SCYL3: variants seen among roughly 807,000 people sequenced by gnomAD.
SCYL3 encodes the protein protein-associating with the carboxyl-terminal domain of ezrin.
Under a neutral mutation model 73.8 loss-of-function variants are expected in SCYL3, and 35 were observed. That is an observed-to-expected ratio of 0.47 (90% CI 0.36 to 0.63). SCYL3 has a LOEUF of 0.63. Ranked by LOEUF, SCYL3 falls within the 20% of genes least tolerant of loss-of-function variation. The probability of loss-of-function intolerance (pLI) is 0.00; values close to 1 mark genes in which losing one functional copy is unlikely to be tolerated. For missense variants in SCYL3, 712 were observed against 798.9 expected (o/e 0.89, Z 1.31); for synonymous variants, 277 against 295.2 (o/e 0.94, Z 0.63).
At chr1:169,873,997 A>C (rs934296613) in intron 4 of SCYL3, among the ~76,000 whole-genome samples, 9 of 152,214 alleles carry the variant, frequency 5.9e-5, no homozygotes, top group African/African-American at 2.2e-4. Flanking sequence ...CATCTGGTTT[A>C]ACAGACACGC....
Position 169,851,873 on chromosome 1 carries a change from A to T in SCYL3, c.*1840T>A. On this transcript the variant is annotated 3_prime_UTR_variant, in exon 13 of 13. Transcript: ENST00000367771. ...AAGTGGAACGTGTGAAACAGGAAAA[A>T]GGTATTTTCTGGGAACCCTTTGCTA... 6.2e-7 allele frequency: 1 copy of T among 1,614,070 alleles called. No homozygotes were observed. The highest frequency in any genetic ancestry group is 2.2e-5 in the East Asian group (1 of 44,862).
At chr1:169,883,013 T>TG (rs1661406594) in intron 2 of SCYL3, among the ~76,000 whole-genome samples, 1 of 152,146 alleles carries the variant, frequency 6.6e-6, no homozygotes, top group East Asian at 1.9e-4. Context: ...ATCTTGTTGC[T>TG]GCTCACTCTT....
rs754596421 is a variant in SCYL3 at position 169,855,845 on chromosome 1, G to A, written c.1313-881C>T. 7.4e-6 allele frequency: 12 copies of A among 1,613,896 alleles called. No homozygotes were observed. In the Admixed American group the frequency reaches 1.5e-4, roughly 20 times the overall value. On this transcript the variant is annotated intron_variant, in intron 11 of 12. Coordinates refer to ENST00000367771, the MANE Select transcript of SCYL3 (RefSeq NM_020423.7). ...AATCTCGCTGTATGTGCTTCTTGCT[G>A]TTGATGGGCGTGCTGCCAGAAAAGA...
intron 3 of SCYL3, among the ~76,000 whole-genome samples, chr1:169,876,442 T>G (rs1660823096): frequency 6.6e-6 from 1 of 152,212 alleles, no homozygotes; most frequent in Non-Finnish European, 1.5e-5. Flanking sequence ...AAACATACAT[T>G]TACAAGTCTG....
intron 2 of SCYL3, among the ~76,000 whole-genome samples, chr1:169,884,014 C>T (rs1277042573): frequency 3.3e-5 from 5 of 152,068 alleles, no homozygotes; most frequent in African/African-American, 1.2e-4. Context: ...GCCACTGTGC[C>T]CAGCCTCCAA....
intron 2 of SCYL3, among the ~76,000 whole-genome samples, chr1:169,881,393 T>C (rs913937913): frequency 7.2e-5 from 11 of 152,226 alleles, no homozygotes; most frequent in African/African-American, 2.4e-4. Context: ...GTAATTGGGA[T>C]ATCCATCACC....
rs1658224585 is a variant in SCYL3 at position 169,851,054 on chromosome 1, T to TTTTTTTC, written c.*2658_*2659insGAAAAAA. On this transcript the variant is annotated 3_prime_UTR_variant, in exon 13 of 13. Transcript: ENST00000367771. ...GGGTAAGCTCAGGGCCCTTTTTTTT[T>TTTTTTTC]TTTTTTTTTTTTTTTTTTTGGCATG... 1.3e-5 allele frequency: 1 copy of TTTTTTTC among 77,478 alleles called. No homozygotes were observed. The highest frequency in any genetic ancestry group is 2.6e-5 in the Non-Finnish European group (1 of 38,432). 4.8% of individuals were successfully genotyped at this position (77,478 alleles called of 1,614,324 possible).
chr1:169,874,282 A>T (rs904354369), intron 4 of SCYL3, among the ~76,000 whole-genome samples: 2 of 152,216 alleles, frequency 1.3e-5, no homozygotes. Context: ...ATATGTCCCG[A>T]ACATCATTTA....
Position 169,853,640 on chromosome 1 carries a change from GCC to G in SCYL3, c.*71_*72del. The G allele has an allele frequency of 6.5e-7, 1 of 1,531,544 alleles. No homozygotes were observed. The highest frequency in any genetic ancestry group is 9.0e-7 in the Non-Finnish European group (1 of 1,115,286). 94.9% of individuals were successfully genotyped at this position (1,531,544 alleles called of 1,614,324 possible). ...CACTTTGGGGTTTTCTTGTCCCAAA[GCC>G]TGCTTTTGAGGTATTGATTTTTTTT... is the stretch of plus-strand genomic sequence containing the variant. On this transcript the variant is annotated 3_prime_UTR_variant, in exon 13 of 13. Transcript: ENST00000367771.
upstream of SCYL3, chr1:169,894,112 G>C (rs1183403538): frequency 6.6e-6 from 1 of 152,320 alleles, no homozygotes; most frequent in African/African-American, 2.4e-5. Flanking sequence ...CAGTGGTCTA[G>C]TTAGTCCACG....
chr1:169,893,994 G>A (rs954680228), upstream of SCYL3: 3 of 152,284 alleles, frequency 2.0e-5, no homozygotes, highest in Non-Finnish European at 4.4e-5. Context: ...CGCCACCAAT[G>A]AGGCCAACTA....
Position 169,851,259 on chromosome 1 carries a change from T to G in SCYL3, c.*2454A>C, listed in dbSNP as rs1435683159. ...GACTACCAGGAGAAACTGAATTATT[T>G]GATATATTACATGTAATGATGCACG... On this transcript the variant is annotated 3_prime_UTR_variant, in exon 13 of 13. Transcript: ENST00000367771. 1.3e-5 allele frequency: 2 copies of G among 153,198 alleles called. No individual in the cohort carries two copies. Among genetic ancestry groups the G allele is most frequent in the Admixed American group, 1.3e-4 (2 of 15,208 alleles). 9.5% of individuals were successfully genotyped at this position (153,198 alleles called of 1,614,324 possible).
intron 9 of SCYL3, among the ~76,000 whole-genome samples, chr1:169,864,087 A>C (rs1659854568): frequency 6.6e-6 from 1 of 152,228 alleles, no homozygotes; most frequent in Non-Finnish European, 1.5e-5. Context: ...AAGTTCTTTG[A>C]AGATGCATGC....
intron 11 of SCYL3, among the ~76,000 whole-genome samples, chr1:169,856,447 T>C (rs1479471937): frequency 6.6e-6 from 1 of 152,230 alleles, no homozygotes; most frequent in Non-Finnish European, 1.5e-5. Flanking sequence ...AGAAATGTCC[T>C]TAACAGTTTG....
At chr1:169,869,945 G>T (rs573006096) in intron 6 of SCYL3, among the ~76,000 whole-genome samples, 1 of 151,968 alleles carries the variant, frequency 6.6e-6, no homozygotes, top group Admixed American at 6.6e-5. Flanking sequence ...CTTATTGGCC[G>T]GTTCAATAAG....
intron 2 of SCYL3, among the ~76,000 whole-genome samples, chr1:169,885,678 A>C (rs1183884389): frequency 1.3e-5 from 2 of 152,220 alleles, no homozygotes; most frequent in African/African-American, 4.8e-5. Context: ...AAAGGAATAA[A>C]AATTCCATTC....
At chr1:169,878,586 C>T (rs746380546) in intron 3 of SCYL3, 48 bp downstream of exon 3, 2 of 1,435,434 alleles carry the variant, frequency 1.4e-6, no homozygotes, top group Admixed American at 2.1e-5. Flanking sequence ...CACCCTCCCA[C>T]CCCCATCTAC....
chr1:169,854,398 G>GGATCAT lies in SCYL3; in HGVS notation c.1873_1878dup (p.Met625_Ile626dup). The GGATCAT allele has an allele frequency of 4.3e-6, 7 of 1,614,012 alleles. No homozygotes were observed. The highest frequency in any genetic ancestry group is 5.9e-6 in the Non-Finnish European group (7 of 1,179,940). Reference sequence around the variant, plus strand: ...AAAGCAGCAGAAGGCTTAATTTCTGGGATCATATCAGCAAACCAATCCATC... The same window carrying GGATCAT: ...AAAGCAGCAGAAGGCTTAATTTCTGGGATCATGATCATATCAGCAAACCAATCCATC... On this transcript the variant is annotated inframe_insertion, in exon 12 of 13. Transcript: ENST00000367771.
At position 169,853,228 on chromosome 1, in the gene SCYL3, T is replaced by TCTAA. The variant is rs561027163; in HGVS notation, c.*481_*484dup. The TCTAA allele has an allele frequency of 1.9e-3, 928 of 498,768 alleles. 6 individuals are homozygous for TCTAA. The highest frequency in any genetic ancestry group is 3.7e-3 in the South Asian group (123 of 33,338). 30.9% of individuals were successfully genotyped at this position (498,768 alleles called of 1,614,324 possible). A position where few individuals can be genotyped will look rare whatever the true frequency, so the allele number is the denominator to read the frequency against. On this transcript the variant is annotated 3_prime_UTR_variant, in exon 13 of 13. Transcript: ENST00000367771. ...CACAAAGAACCATTTACTCAGATAG[T>TCTAA]CTAACTGTAAACAAATAAATAAGCT...
Sources: gnomAD v4.1 joint callset for allele counts (sites outside exome capture counted in the v4.1 genomes callset) on GRCh38, gnomAD v4.1.1 for gene constraint, MANE v1.5 for transcripts, NCBI Gene and HGNC (gene_info 2026-07-23, HGNC 2026-07-21) for gene names.